SLC38A1: variants seen among roughly 807,000 people sequenced by gnomAD.
The protein encoded by SLC38A1 is solute carrier family 38 member 1.
In SLC38A1, 18 loss-of-function variants were observed where a neutral mutation model predicts 60.3. The observed-to-expected ratio is 0.30, with a 90% CI of 0.21 to 0.44. The LOEUF (loss-of-function observed/expected upper bound fraction) is 0.44. SLC38A1 is among the 20% of genes least tolerant of loss of function. The pLI, the probability that SLC38A1 is intolerant of heterozygous loss-of-function variation, is 1.00. For missense variants in SLC38A1, 448 were observed against 587.2 expected (o/e 0.76, Z 2.45); for synonymous variants, 196 against 212.1 (o/e 0.92, Z 0.66).
At chr12:46,240,586 AC>A (rs1348117710) in intron 2 of SLC38A1, among the ~76,000 whole-genome samples, 3 of 152,236 alleles carry the variant, frequency 2.0e-5, no homozygotes, top group Non-Finnish European at 4.4e-5. Flanking sequence ...CTGCACAGAC[AC>A]AAAAGCACCT....
chr12:46,219,949 G>A (rs1000647674), intron 5 of SLC38A1, among the ~76,000 whole-genome samples: 24 of 152,122 alleles, frequency 1.6e-4, no homozygotes, highest in African/African-American at 3.9e-4. Flanking sequence ...GCGCATGTGC[G>A]CGCACACACA....
intron 1 of SLC38A1, among the ~76,000 whole-genome samples, chr12:46,256,165 C>CA (rs61078872): frequency 0.024 from 1,638 of 68,786 alleles, 25 homozygotes; most frequent in African/African-American, 0.042. Flanking sequence ...GGTTCTATCT[C>CA]AAAAAAAAAA....
chr12:46,247,006 C>T (rs776668372), intron 1 of SLC38A1, among the ~76,000 whole-genome samples: 14 of 152,204 alleles, frequency 9.2e-5, no homozygotes, highest in Non-Finnish European at 1.6e-4. Context: ...AAAGGACATC[C>T]ACACCAAAAC....
chr12:46,208,898 TA>T (rs1940026488), intron 6 of SLC38A1, among the ~76,000 whole-genome samples, 155 bp downstream of exon 6: 1 of 152,368 alleles, frequency 6.6e-6, no homozygotes, highest in Non-Finnish European at 1.5e-5. Flanking sequence ...TTTCTCTAGA[TA>T]AATACTACTA....
intron 1 of SLC38A1, among the ~76,000 whole-genome samples, chr12:46,249,603 G>C (rs1466190955): frequency 6.6e-6 from 1 of 152,026 alleles, no homozygotes; most frequent in African/African-American, 2.4e-5. Flanking sequence ...GACTAATAAA[G>C]AAGAAAAGAG....
intron 6 of SLC38A1, 80 bp downstream of exon 6, chr12:46,208,974 G>C (rs546316462): frequency 1.0e-6 from 1 of 977,216 alleles, no homozygotes; most frequent in Non-Finnish European, 1.6e-6. Flanking sequence ...GCTGTACAGA[G>C]AGAACATCAT....
At chr12:46,203,281 G>A (rs1939743211) in intron 11 of SLC38A1, among the ~76,000 whole-genome samples, 192 bp from the exon 12 acceptor site, 1 of 152,150 alleles carries the variant, frequency 6.6e-6, no homozygotes, top group African/African-American at 2.4e-5. Context: ...CGAGCCATTA[G>A]CCACTTGTCA....
Position 46,250,443 on chromosome 12 carries a change from G to A in SLC38A1, c.-208-7129C>T, listed in dbSNP as rs139253327. ...AAACTGGCACAAGACAGGGATGCCCGCTCTTACCACTCCTATTCAACACAG... is the reference window on the plus strand; with the variant it reads ...AAACTGGCACAAGACAGGGATGCCCACTCTTACCACTCCTATTCAACACAG... On this transcript the variant is annotated intron_variant, in intron 1 of 16. Coordinates refer to ENST00000398637, the MANE Select transcript of SLC38A1 (RefSeq NM_030674.4). Among the ~76,000 whole-genome samples the A allele has an allele frequency of 6.4e-3, 974 of 152,240 alleles. 13 individuals are homozygous for A. Among genetic ancestry groups the A allele is most frequent in the African/African-American group, 0.021 (888 of 41,534 alleles).
chr12:46,243,678 A>G (rs1941519623), intron 1 of SLC38A1, among the ~76,000 whole-genome samples: 1 of 152,234 alleles, frequency 6.6e-6, no homozygotes, highest in African/African-American at 2.4e-5. Flanking sequence ...ACTGAAAAAT[A>G]GAAATAATCA....
intron 12 of SLC38A1, 78 bp downstream of exon 12, chr12:46,202,932 G>T: frequency 2.7e-6 from 3 of 1,091,906 alleles, no homozygotes; most frequent in Non-Finnish European, 4.1e-6. Flanking sequence ...AGACAAGTCC[G>T]TTTATTTTAA....
intron 1 of SLC38A1, among the ~76,000 whole-genome samples, chr12:46,254,221 C>G (rs1363190171): frequency 6.6e-6 from 1 of 152,076 alleles, no homozygotes; most frequent in Non-Finnish European, 1.5e-5. Context: ...ATTACTCATC[C>G]CTCTTGTTTC....
intron 16 of SLC38A1, among the ~76,000 whole-genome samples, chr12:46,193,203 C>T (rs1392600692): frequency 6.6e-6 from 1 of 152,168 alleles, no homozygotes; most frequent in Non-Finnish European, 1.5e-5. Context: ...AGTAGTCATT[C>T]AGGAGCAGGT....
intron 16 of SLC38A1, among the ~76,000 whole-genome samples, chr12:46,189,622 G>T (rs964611436): frequency 2.0e-5 from 3 of 152,194 alleles, no homozygotes; most frequent in African/African-American, 7.2e-5. Flanking sequence ...GATATGGTTT[G>T]GCTGTGTCCC....
chr12:46,234,596 C>T (rs751457531), intron 3 of SLC38A1, among the ~76,000 whole-genome samples: 13 of 152,012 alleles, frequency 8.6e-5, no homozygotes, highest in South Asian at 2.1e-4. Context: ...CACAGGCGCC[C>T]GCCACCGTAC....
intron 5 of SLC38A1, among the ~76,000 whole-genome samples, chr12:46,212,184 GT>G (rs1940199916): frequency 6.6e-6 from 1 of 152,164 alleles, no homozygotes; most frequent in Non-Finnish European, 1.5e-5. Context: ...GTGTTGACTT[GT>G]TTGAACACTT....
chr12:46,185,606 T>A lies in SLC38A1; in HGVS notation c.*3364A>T, dbSNP rs533005485. 1 of 152,186 alleles carries A rather than the reference T, an allele frequency of 6.6e-6. No individual in the cohort carries two copies. Among genetic ancestry groups the A allele is most frequent in the African/African-American group, 2.4e-5 (1 of 41,486 alleles). The allele number at this position is 152,186 out of a possible 1,614,324, so 9.4% of individuals were successfully genotyped here. Reference sequence around the variant, plus strand: ...AATGACTGGTACATTGGAGAAGCTATGCAGCAGCATCCTTTTCTGTGGTGG... The same window carrying A: ...AATGACTGGTACATTGGAGAAGCTAAGCAGCAGCATCCTTTTCTGTGGTGG... On this transcript the variant is annotated 3_prime_UTR_variant, in exon 17 of 17. Coordinates refer to ENST00000398637, the MANE Select transcript of SLC38A1 (RefSeq NM_030674.4).
At chr12:46,220,314 C>T (rs963215305) in intron 5 of SLC38A1, among the ~76,000 whole-genome samples, 2 of 152,180 alleles carry the variant, frequency 1.3e-5, no homozygotes, top group African/African-American at 4.8e-5. Flanking sequence ...AAACAACAGA[C>T]TCTGATGTCA....
In SLC38A1 at chr12:46,268,021, C is replaced by T. The variant is rs1026881243; in HGVS notation, c.-209+505G>A. On this transcript the variant is annotated intron_variant, in intron 1 of 16. Coordinates refer to ENST00000398637, the MANE Select transcript of SLC38A1 (RefSeq NM_030674.4). This position sits in a 1 kb window ranked among gnomAD's most constrained non-coding sequence, Gnocchi z 4.4. ...CCCCGGTTTAGTGGTGGTCCGCGGC[C>T]GCTACCCAGCCGGCCGCACGCAGCA... Among the ~76,000 whole-genome samples, 10 of 152,160 alleles carry T rather than the reference C, an allele frequency of 6.6e-5. No individual in the cohort carries two copies. Among genetic ancestry groups the T allele is most frequent in the Non-Finnish European group, 1.3e-4 (9 of 68,018 alleles).
chr12:46,215,930 C>A (rs908780718), intron 5 of SLC38A1, among the ~76,000 whole-genome samples: 1 of 152,188 alleles, frequency 6.6e-6, no homozygotes, highest in South Asian at 2.1e-4. Flanking sequence ...ACAGCCCTCA[C>A]TCCAAAACTT....
Sources: allele counts gnomAD v4.1 joint callset (sites outside exome capture counted in the v4.1 genomes callset), GRCh38; gene constraint gnomAD v4.1.1; non-coding constraint Gnocchi (gnomAD v3.1); transcripts MANE v1.5; gene names NCBI Gene and HGNC (gene_info 2026-07-23, HGNC 2026-07-21).